The following DMD variants were observed in gnomAD, a reference collection of about 807,000 sequenced individuals.
DMD encodes dystrophin, also known as mutant dystrophin.
A neutral mutation model predicts 330.1 loss-of-function variants in DMD; 63 were observed. The observed-to-expected ratio is 0.19, with a 90% CI of 0.16 to 0.24. The LOEUF (loss-of-function observed/expected upper bound fraction) is 0.24. DMD is among the 10% of genes least tolerant of loss of function. The pLI is 1.00. For synonymous variants in DMD, 1,223 were observed against 959.8 expected (o/e 1.27, Z -5.07); for missense variants, 3,344 against 2,684.1 (o/e 1.25, Z -5.43).
chrX:32,337,577 C>A (rs2097721807), intron 41 of DMD, among the ~76,000 whole-genome samples: 1 of 109,806 alleles, frequency 9.1e-6, no homozygotes, highest in Non-Finnish European at 1.9e-5. Context: ...AGAGGTTTAG[C>A]ACTTTTTTGC....
chrX:31,387,961 A>C (rs1413006080), intron 60 of DMD, among the ~76,000 whole-genome samples: 1 of 109,345 alleles, frequency 9.1e-6, no homozygotes, highest in Non-Finnish European at 1.9e-5. Flanking sequence ...TTGTTATATG[A>C]TAATTGTGTA....
intron 77 of DMD, among the ~76,000 whole-genome samples, chrX:31,133,309 C>A (rs964950108): frequency 9.0e-6 from 1 of 111,273 alleles, no homozygotes; most frequent in Non-Finnish European, 1.9e-5. Flanking sequence ...CCTTTTTATT[C>A]GTTGAAGGAA....
intron 1 of DMD, among the ~76,000 whole-genome samples, chrX:33,027,482 T>A (rs983485831): frequency 8.9e-6 from 1 of 112,489 alleles, no homozygotes; most frequent in Non-Finnish European, 1.9e-5. Flanking sequence ...TATATAATTT[T>A]AAGCCACTAA....
intron 13 of DMD, among the ~76,000 whole-genome samples, chrX:32,589,814 C>A (rs1171851953): frequency 9.0e-6 from 1 of 111,429 alleles, no homozygotes; most frequent in Non-Finnish European, 1.9e-5. Context: ...CAGAAATATT[C>A]CATTAACCAC....
intron 44 of DMD, among the ~76,000 whole-genome samples, chrX:32,139,117 G>C (rs954213959): frequency 2.7e-5 from 3 of 112,356 alleles, no homozygotes; most frequent in Non-Finnish European, 3.8e-5. Flanking sequence ...GGAAAATTAA[G>C]TAGCAAAGGC....
rs374298104 is a variant in DMD at position 31,341,891 on chromosome X, G to GCGCGCGCGCACACA, written c.9163+6664_9163+6665insTGTGTGCGCGCGCG. On this transcript the variant is annotated intron_variant, in intron 61 of 78. Coordinates refer to ENST00000357033, the MANE Select transcript of DMD (RefSeq NM_004006.3). ...GGCGTGCGCGCGTGCGTGCGCGCGC[G>GCGCGCGCGCACACA]CACACACACACACACACACACACAC... 4.9e-3 allele frequency among the ~76,000 whole-genome samples: 487 copies of GCGCGCGCGCACACA among 98,873 alleles called. 5 individuals carry two copies. The highest frequency in any genetic ancestry group is 0.027 in the Middle Eastern group (5 of 186). 85.9% of individuals were successfully genotyped at this position (98,873 alleles called of 115,157 possible).
chrX:32,536,315 G>A (rs1456430692), intron 17 of DMD, among the ~76,000 whole-genome samples: 1 of 105,739 alleles, frequency 9.5e-6, no homozygotes, highest in East Asian at 2.9e-4. Context: ...AACTGCCTCT[G>A]CAAGGTTAGA....
At chrX:32,087,382 T>G (rs1004536343) in intron 44 of DMD, among the ~76,000 whole-genome samples, 3 of 111,771 alleles carry the variant, frequency 2.7e-5, no homozygotes, top group African/African-American at 9.7e-5. Flanking sequence ...TTTCTGCAGC[T>G]TATTAAGTTA....
At position 33,114,118 on chromosome X, in the gene DMD, T is replaced by A. The variant is rs760270083; in HGVS notation, c.32-93918A>T. 1.3e-3 allele frequency among the ~76,000 whole-genome samples: 138 copies of A among 109,222 alleles called. 1 individual carries two copies. Among genetic ancestry groups the A allele is most frequent in the African/African-American group, 4.4e-3 (131 of 30,039 alleles). The allele number at this position is 109,222 out of a possible 115,157, so 94.8% of individuals were successfully genotyped here. A position where few individuals can be genotyped will look rare whatever the true frequency, so the allele number is the denominator to read the frequency against. ...ATATGGCAATATTATTATTATTTTT[T>A]TTTTTTTTTGAGACAGAATCTCACT... On this transcript the variant is annotated intron_variant, in intron 1 of 78. Transcript: ENST00000357033.
intron 2 of DMD, among the ~76,000 whole-genome samples, chrX:33,004,226 AG>A (rs1365067334): frequency 8.9e-6 from 1 of 112,383 alleles, no homozygotes; most frequent in African/African-American, 3.2e-5. Context: ...ACAAGCATAA[AG>A]AAAACAGGAG....
chrX:32,054,224 G>A (rs1158355862), intron 44 of DMD, among the ~76,000 whole-genome samples: 2 of 107,872 alleles, frequency 1.9e-5, no homozygotes, highest in Non-Finnish European at 3.8e-5. Flanking sequence ...TTAAGTTTTA[G>A]GGTACATGTG....
chrX:32,572,449 T>C (rs1429223335), intron 15 of DMD, among the ~76,000 whole-genome samples: 2 of 110,728 alleles, frequency 1.8e-5, no homozygotes, highest in African/African-American at 6.5e-5. Flanking sequence ...TTTTAAGAAA[T>C]CATAAAGTAG....
intron 12 of DMD, among the ~76,000 whole-genome samples, chrX:32,599,676 T>G (rs766944156): frequency 8.9e-6 from 1 of 111,848 alleles, no homozygotes; most frequent in Admixed American, 9.5e-5. Context: ...TATTGTAATA[T>G]AATATTGTTA....
rs183152149 is a variant in DMD at position 31,892,996 on chromosome X, C to T, written c.6913-17623G>A. Among the ~76,000 whole-genome samples the T allele has an allele frequency of 5.0e-3, 558 of 112,045 alleles. 3 individuals are homozygous for T. Among genetic ancestry groups the T allele is most frequent in the African/African-American group, 0.016 (490 of 30,876 alleles). On this transcript the variant is annotated intron_variant, in intron 47 of 78. Coordinates refer to ENST00000357033, the MANE Select transcript of DMD (RefSeq NM_004006.3). ...AGATTAAAATAACATATGTGGCTCA[C>T]ATTACGCTCTGTAATAATGCAATAG...
intron 60 of DMD, among the ~76,000 whole-genome samples, chrX:31,441,321 A>C (rs768473234): frequency 9.0e-6 from 1 of 111,246 alleles, no homozygotes; most frequent in East Asian, 2.8e-4. Flanking sequence ...CTCAGCCTCC[A>C]GAGTAGCTAG....
chrX:31,942,056 T>C (rs2095012596), intron 45 of DMD, among the ~76,000 whole-genome samples: 1 of 111,943 alleles, frequency 8.9e-6, no homozygotes, highest in African/African-American at 3.3e-5. Flanking sequence ...AGTAATGAGA[T>C]TGCTGGGTTG....
intron 7 of DMD, among the ~76,000 whole-genome samples, chrX:32,718,752 T>C (rs764999896): frequency 1.8e-5 from 2 of 112,249 alleles, no homozygotes; most frequent in East Asian, 2.8e-4. Context: ...TATAAATATG[T>C]CACATAAAAA....
intron 51 of DMD, among the ~76,000 whole-genome samples, chrX:31,735,271 C>T (rs909738369): frequency 9.0e-6 from 1 of 111,722 alleles, no homozygotes; most frequent in East Asian, 2.8e-4. Flanking sequence ...ATCTCTTGCA[C>T]CTTCCTTGGC....
At chrX:31,252,113 T>C (rs2049429742) in intron 63 of DMD, among the ~76,000 whole-genome samples, 1 of 112,608 alleles carries the variant, frequency 8.9e-6, no homozygotes. Flanking sequence ...AAATTTTGAT[T>C]TGGAAGTTAC....
Sources: allele counts gnomAD v4.1 joint callset (sites outside exome capture counted in the v4.1 genomes callset), GRCh38; gene constraint gnomAD v4.1.1; transcripts MANE v1.5; gene names NCBI Gene and HGNC (gene_info 2026-07-23, HGNC 2026-07-21).